Variants in SLCO2A1 observed in about 807,000 individuals in gnomAD.
The protein encoded by SLCO2A1 is solute carrier organic anion transporter family member 2A1, also known as matrin F/G 1.
SLCO2A1 carries 60 observed loss-of-function variants against 71.7 expected under a neutral mutation model. That is an observed-to-expected ratio of 0.84 (90% CI 0.68 to 1.04). SLCO2A1 has a LOEUF of 1.04. Among genes scored for constraint, SLCO2A1 ranks in the 50% least tolerant of loss-of-function variants. The probability of loss-of-function intolerance (pLI) is 0.00; values close to 1 mark genes in which losing one functional copy is unlikely to be tolerated. For synonymous variants in SLCO2A1, 308 were observed against 326.7 expected, an observed-to-expected ratio of 0.94 and a Z score of 0.62; for missense variants, 745 against 813.4, an observed-to-expected ratio of 0.92 and a Z score of 1.02.
At chr3:133,936,491 G>A (rs867782379) in intron 12 of SLCO2A1, among the ~76,000 whole-genome samples, 11 of 152,140 alleles carry the variant, frequency 7.2e-5, no homozygotes, top group African/African-American at 2.2e-4. Flanking sequence ...CTGGGACCCC[G>A]AACTTCCCAG....
chr3:134,019,323 G>T (rs191788839), intron 1 of SLCO2A1, among the ~76,000 whole-genome samples: 43 of 152,248 alleles, frequency 2.8e-4, no homozygotes, highest in Admixed American at 6.5e-4. Flanking sequence ...ATTAAATATA[G>T]ATAAAGTACT....
intron 11 of SLCO2A1, among the ~76,000 whole-genome samples, chr3:133,939,725 G>A (rs573884078): frequency 3.3e-5 from 5 of 152,236 alleles, no homozygotes; most frequent in African/African-American, 7.2e-5. Context: ...CCCTTGCCCT[G>A]GGCAGACTCC....
intron 1 of SLCO2A1, among the ~76,000 whole-genome samples, chr3:134,007,080 T>C (rs979726221): frequency 6.6e-6 from 1 of 152,238 alleles, no homozygotes; most frequent in Non-Finnish European, 1.5e-5. Context: ...TGATTTGCAA[T>C]GTTGAGCATC....
intron 1 of SLCO2A1, among the ~76,000 whole-genome samples, chr3:133,983,327 AACCACCAG>A (rs1368527042): frequency 6.6e-6 from 1 of 152,226 alleles, no homozygotes; most frequent in Non-Finnish European, 1.5e-5. Flanking sequence ...AGCCAGCATC[AACCACCAG>A]ACATGTTACT....
chr3:134,014,742 T>C (rs1935411720), intron 1 of SLCO2A1, among the ~76,000 whole-genome samples: 1 of 152,154 alleles, frequency 6.6e-6, no homozygotes, highest in African/African-American at 2.4e-5. Context: ...AGATGTTCCG[T>C]GGTCACGGGA....
chr3:133,979,256 G>C (rs1169033607), intron 2 of SLCO2A1, among the ~76,000 whole-genome samples: 1 of 152,244 alleles, frequency 6.6e-6, no homozygotes, highest in Non-Finnish European at 1.5e-5. Flanking sequence ...CCCAGGTCAG[G>C]CATGGGAGGC....
rs558805186 is a variant in SLCO2A1 at position 133,983,234 on chromosome 3, C to G, written c.97-3616G>C. On this transcript the variant is annotated intron_variant, in intron 1 of 13. Coordinates refer to ENST00000310926, the MANE Select transcript of SLCO2A1 (RefSeq NM_005630.3). ...GACCCTTAGTACCCCGACATTACAT[C>G]ATAAGGAAGCCCAGTCTTCCTTACT... 2.6e-5 allele frequency among the ~76,000 whole-genome samples: 4 copies of G among 152,296 alleles called. 1 individual carries two copies. Among genetic ancestry groups the G allele is most frequent in the African/African-American group, 7.2e-5 (3 of 41,568 alleles).
intron 2 of SLCO2A1, among the ~76,000 whole-genome samples, chr3:133,976,004 G>A (rs766281575): frequency 2.0e-5 from 3 of 152,286 alleles, no homozygotes; most frequent in Middle Eastern, 3.4e-3. Flanking sequence ...ATTTTTGTCT[G>A]TTCATTCCTG....
chr3:134,003,686 G>A (rs534934284), intron 1 of SLCO2A1, among the ~76,000 whole-genome samples: 1 of 152,322 alleles, frequency 6.6e-6, no homozygotes, highest in East Asian at 1.9e-4. Flanking sequence ...TACCTGTCTT[G>A]AGTGTCACTG....
intron 2 of SLCO2A1, among the ~76,000 whole-genome samples, chr3:133,977,786 GT>G (rs925696150): frequency 1.1e-4 from 16 of 152,124 alleles, no homozygotes; most frequent in Non-Finnish European, 2.2e-4. Flanking sequence ...AAAGTCAGAG[GT>G]CAACATCGAT....
chr3:133,959,172 T>C (rs1933970585), intron 3 of SLCO2A1, among the ~76,000 whole-genome samples: 1 of 152,170 alleles, frequency 6.6e-6, no homozygotes, highest in Admixed American at 6.5e-5. Flanking sequence ...TGGACCCAGT[T>C]ACATTCATTC....
chr3:134,018,275 G>T (rs994307608), intron 1 of SLCO2A1, among the ~76,000 whole-genome samples: 1 of 152,144 alleles, frequency 6.6e-6, no homozygotes, highest in African/African-American at 2.4e-5. Context: ...GTGGGTAAAG[G>T]AATTCTTGGG....
rs530370623 is a variant in SLCO2A1, at chr3:134,008,561, C to T, written c.96+21146G>A. ...CTCTACATCCTCCCAGGCAGAAAAC[C>T]CCAGGCTCAGGAACAGACCCCTAGT... On this transcript the variant is annotated intron_variant, in intron 1 of 13. Coordinates refer to ENST00000310926, the MANE Select transcript of SLCO2A1 (RefSeq NM_005630.3). Among the ~76,000 whole-genome samples, 12 of 152,272 alleles carry T rather than the reference C, an allele frequency of 7.9e-5. No individual in the cohort carries two copies. The South Asian group carries it at 2.5e-3, about 32-fold the overall frequency.
intron 1 of SLCO2A1, among the ~76,000 whole-genome samples, chr3:134,017,519 G>A (rs1330116099): frequency 6.6e-6 from 1 of 152,162 alleles, no homozygotes; most frequent in Non-Finnish European, 1.5e-5. Context: ...GGATGGCCAA[G>A]CACATGTTAG....
chr3:134,010,382 A>T (rs1193457686), intron 1 of SLCO2A1, among the ~76,000 whole-genome samples: 1 of 152,246 alleles, frequency 6.6e-6, no homozygotes, highest in Non-Finnish European at 1.5e-5. Flanking sequence ...GCATATCTTC[A>T]TAAGGCAGCA....
intron 1 of SLCO2A1, among the ~76,000 whole-genome samples, chr3:133,992,018 A>G (rs1227403218): frequency 6.6e-6 from 1 of 152,098 alleles, no homozygotes; most frequent in Non-Finnish European, 1.5e-5. Context: ...CACCTTTAAC[A>G]CTGCCTGGGG....
In SLCO2A1 at chr3:133,942,665, A is replaced by T. The variant is rs1933455924; in HGVS notation, c.1565T>A (p.Ile522Asn). ...GCAGGCTATCAGGGACACGAAGGAG[A>T]TGAGGAAGATGGCCGGGAGCAGGAA... ...AHFLLPAIFL[I>N]SFVSLIACIS... The change falls in exon 11 of 14, where the codon ATC becomes AAC. Residue 522 changes from isoleucine to asparagine, a missense_variant. Transcript: ENST00000310926. 6.2e-7 allele frequency: 1 copy of T among 1,613,718 alleles called. No homozygotes were observed. Among genetic ancestry groups the T allele is most frequent in the South Asian group, 1.1e-5 (1 of 91,022 alleles).
At chr3:133,949,288 C>G in intron 6 of SLCO2A1, 1 of 319,152 alleles carries the variant, frequency 3.1e-6, no homozygotes, top group East Asian at 7.5e-5. Flanking sequence ...CCACCCCTCA[C>G]CCCCATCTGT....
chr3:133,975,834 C>T (rs1001105944), intron 2 of SLCO2A1, among the ~76,000 whole-genome samples: 3 of 152,190 alleles, frequency 2.0e-5, no homozygotes, highest in African/African-American at 7.2e-5. Flanking sequence ...TTTCTCTGAC[C>T]TCGTCATTTA....
Sources: gnomAD v4.1 joint callset for allele counts (sites outside exome capture counted in the v4.1 genomes callset) on GRCh38, gnomAD v4.1.1 for gene constraint, MANE v1.5 for transcripts, NCBI Gene and HGNC (gene_info 2026-07-23, HGNC 2026-07-21) for gene names.